The following FLVCR1 variants were observed in gnomAD, a reference collection of about 807,000 sequenced individuals.
FLVCR1 encodes the protein choline/ethanolamine transporter FLVCR1.
Under a neutral mutation model 53.6 loss-of-function variants are expected in FLVCR1, and 34 were observed. The ratio of observed to expected loss-of-function variants is 0.63; its 90% confidence interval spans 0.48 to 0.84. The LOEUF (loss-of-function observed/expected upper bound fraction) is 0.84, where lower values mean the gene tolerates loss of function less well. Among genes scored for constraint, FLVCR1 ranks in the 40% least tolerant of loss-of-function variants. FLVCR1 has a pLI of 0.00. For missense variants in FLVCR1, 677 were observed against 696.7 expected (o/e 0.97, Z 0.32); for synonymous variants, 300 against 286.3 (o/e 1.05, Z -0.48).
chr1:212,867,952 C>T (rs556156786), intron 2 of FLVCR1, among the ~76,000 whole-genome samples: 10 of 151,578 alleles, frequency 6.6e-5, no homozygotes, highest in South Asian at 2.1e-4. Context: ...TACAGGCACC[C>T]ACCACCGCGC....
chr1:212,858,369 C>A lies in FLVCR1; in HGVS notation c.-84C>A. Reference sequence around the variant, plus strand: ...GGGCCGAGGGGTTGGAGGTGGGGCCCCAGGAGGACCTCGGGCTGTGGGCCG... The same window carrying A: ...GGGCCGAGGGGTTGGAGGTGGGGCCACAGGAGGACCTCGGGCTGTGGGCCG... On this transcript the variant is annotated 5_prime_UTR_variant, in exon 1 of 10. Transcript: ENST00000366971. 7.6e-7 allele frequency: 1 copy of A among 1,321,536 alleles called. No individual in the cohort carries two copies. Among genetic ancestry groups the A allele is most frequent in the Non-Finnish European group, 1.0e-6 (1 of 1,003,044 alleles). 81.9% of individuals were successfully genotyped at this position (1,321,536 alleles called of 1,614,324 possible). A position where few individuals can be genotyped will look rare whatever the true frequency, so the allele number is the denominator to read the frequency against.
intron 4 of FLVCR1, among the ~76,000 whole-genome samples, 164 bp from the exon 5 acceptor site, chr1:212,885,129 T>C (rs1251618806): frequency 6.6e-6 from 1 of 152,230 alleles, no homozygotes; most frequent in Non-Finnish European, 1.5e-5. Flanking sequence ...TATATATTCT[T>C]TACCTGCCCT....
rs1572031852 is a variant in FLVCR1 at position 212,895,528 on chromosome 1, A to T, written c.*238A>T. On this transcript the variant is annotated 3_prime_UTR_variant, in exon 10 of 10. Coordinates refer to ENST00000366971, the MANE Select transcript of FLVCR1 (RefSeq NM_014053.4). ...TAACACTACTGTTTATCTAATTAGT[A>T]TCCGGTTTTTAGTCTCATATTGTAT... is the stretch of plus-strand genomic sequence containing the variant. The T allele has an allele frequency of 1.9e-6, 1 of 519,806 alleles. No homozygotes were observed. The highest frequency in any genetic ancestry group is 3.5e-5 in the East Asian group (1 of 28,934). 32.2% of individuals were successfully genotyped at this position (519,806 alleles called of 1,614,324 possible).
chr1:212,895,723 A>T lies in FLVCR1; in HGVS notation c.*433A>T, dbSNP rs565590630. The T allele has an allele frequency of 4.3e-6, 1 of 233,716 alleles. No individual in the cohort carries two copies. Among genetic ancestry groups the T allele is most frequent in the East Asian group, 1.2e-4 (1 of 8,608 alleles). 14.5% of individuals were successfully genotyped at this position (233,716 alleles called of 1,614,324 possible). ...TAAAGTATCCAGTGGAACTAAATGT[A>T]CAATATATTCCTAATTGGCTGCCTT... is the stretch of plus-strand genomic sequence containing the variant. On this transcript the variant is annotated 3_prime_UTR_variant, in exon 10 of 10. Transcript: ENST00000366971.
intron 2 of FLVCR1, among the ~76,000 whole-genome samples, chr1:212,869,472 C>A (rs1277126968): frequency 2.0e-5 from 3 of 152,098 alleles, no homozygotes; most frequent in African/African-American, 7.2e-5. Flanking sequence ...AGTTTGACTT[C>A]CTGAAACTAA....
At chr1:212,877,217 G>A (rs1453492794) in intron 3 of FLVCR1, among the ~76,000 whole-genome samples, 1 of 146,688 alleles carries the variant, frequency 6.8e-6, no homozygotes, top group African/African-American at 2.5e-5. Context: ...CTCACTGCAA[G>A]CTCTGCCTCC....
At chr1:212,893,067 G>GT (rs201181910) in intron 8 of FLVCR1, among the ~76,000 whole-genome samples, 10 of 61,356 alleles carry the variant, frequency 1.6e-4, no homozygotes, top group South Asian at 7.5e-4. Flanking sequence ...TTTTTTTTTG[G>GT]GGGGGGGTGC....
intron 3 of FLVCR1, among the ~76,000 whole-genome samples, chr1:212,873,859 CT>C (rs951914071): frequency 1.6e-4 from 24 of 151,106 alleles, no homozygotes; most frequent in African/African-American, 5.3e-4. Flanking sequence ...GGATTAGTTC[CT>C]TTTTTTTTCA....
chr1:212,891,831 A>G (rs568763277), intron 8 of FLVCR1, among the ~76,000 whole-genome samples: 3 of 152,270 alleles, frequency 2.0e-5, no homozygotes, highest in African/African-American at 4.8e-5. Context: ...GCACCAAACA[A>G]TTAGCCAAGT....
rs1664082751 is a variant in FLVCR1, at chr1:212,858,314, C to G, written c.-139C>G. 5 of 875,854 alleles carry G rather than the reference C, an allele frequency of 5.7e-6. No homozygotes were observed. The highest frequency in any genetic ancestry group is 8.3e-6 in the Non-Finnish European group (5 of 605,256). 54.3% of individuals were successfully genotyped at this position (875,854 alleles called of 1,614,324 possible). On this transcript the variant is annotated 5_prime_UTR_variant, in exon 1 of 10. Transcript: ENST00000366971. ...TCACGCGGTAGCGCGGATTGCGGTT[C>G]GCGGCGCGCGCCACCGGGGAAGGAG...
chr1:212,895,645 A>C lies in FLVCR1; in HGVS notation c.*355A>C, dbSNP rs1665315353. The C allele has an allele frequency of 6.1e-6, 2 of 329,892 alleles. No homozygotes were observed. The highest frequency in any genetic ancestry group is 1.2e-5 in the Non-Finnish European group (2 of 172,662). 20.4% of individuals were successfully genotyped at this position (329,892 alleles called of 1,614,324 possible). A position where few individuals can be genotyped will look rare whatever the true frequency, so the allele number is the denominator to read the frequency against. On this transcript the variant is annotated 3_prime_UTR_variant, in exon 10 of 10. Transcript: ENST00000366971. ...AGCTTAGAATACTTTTTAAAGTGAT[A>C]ATATGGGGTGTTCAGTCCCCATAAG...
rs1227298177 is a variant in FLVCR1, at chr1:212,859,171, C to G, written c.719C>G (p.Thr240Ser). The change falls in exon 1 of 10, where the codon ACC (threonine) becomes AGC (serine). Residue 240 changes from threonine (T) to serine (S), a missense_variant. Transcript: ENST00000366971. ...GPKEVSTACATAVLGNQLGTA... is the reference protein window; with the variant it reads ...GPKEVSTACASAVLGNQLGTA... ...AAAGAGGTGTCCACAGCTTGTGCCA[C>G]CGCCGTGCTGGGCAATCAGGTAAGT... 6.2e-7 allele frequency: 1 copy of G among 1,613,912 alleles called. No homozygotes were observed. Among genetic ancestry groups the G allele is most frequent in the East Asian group, 2.2e-5 (1 of 44,900 alleles).
chr1:212,866,464 T>G (rs1664434556), intron 2 of FLVCR1, among the ~76,000 whole-genome samples: 1 of 130,888 alleles, frequency 7.6e-6, no homozygotes, highest in Admixed American at 9.1e-5. Flanking sequence ...TCACATAAAT[T>G]CTGATTTTCC....
chr1:212,885,424 G>A (rs1419608210), intron 5 of FLVCR1, 28 bp downstream of exon 5: 10 of 1,485,874 alleles, frequency 6.7e-6, no homozygotes, highest in African/African-American at 1.4e-5. Context: ...CATGTATGGT[G>A]TATAACCAAA....
At chr1:212,888,725 T>C (rs10864022) in intron 7 of FLVCR1, 131 bp downstream of exon 7, 372,621 of 734,630 alleles carry the variant, frequency 0.51, 98,552 homozygotes, top group East Asian at 0.55. Context: ...TGCTCAGCCA[T>C]CCAAGCTGGA....
intron 3 of FLVCR1, among the ~76,000 whole-genome samples, chr1:212,875,701 A>C (rs558785336): frequency 3.5e-4 from 53 of 151,768 alleles, no homozygotes; most frequent in Non-Finnish European, 6.8e-4. Flanking sequence ...TTAGCTGGGC[A>C]TGGTGGGTGC....
rs1665392281 is a variant in FLVCR1, at chr1:212,898,303, A to G, written c.*3013A>G. The G allele has an allele frequency of 6.6e-6, 1 of 152,210 alleles. No individual in the cohort carries two copies. The highest frequency in any genetic ancestry group is 6.5e-5 in the Admixed American group (1 of 15,278). 9.4% of individuals were successfully genotyped at this position (152,210 alleles called of 1,614,324 possible). A position where few individuals can be genotyped will look rare whatever the true frequency, so the allele number is the denominator to read the frequency against. ...ACAACGGACTTTTACATTTCTTTTT[A>G]GCCTTTTTAGTCAGTTGAGGGTAAC... On this transcript the variant is annotated 3_prime_UTR_variant, in exon 10 of 10. Coordinates refer to ENST00000366971, the MANE Select transcript of FLVCR1 (RefSeq NM_014053.4).
At chr1:212,865,151 A>G (rs141371044) in intron 2 of FLVCR1, among the ~76,000 whole-genome samples, 1,718 of 149,114 alleles carry the variant, frequency 0.012, 18 homozygotes, top group Non-Finnish European at 0.019. Context: ...TTTTTTTATT[A>G]TAAGTTTTAG....
At chr1:212,891,662 T>C (rs1665196713) in intron 8 of FLVCR1, among the ~76,000 whole-genome samples, 1 of 152,146 alleles carries the variant, frequency 6.6e-6, no homozygotes, top group African/African-American at 2.4e-5. Flanking sequence ...ATCAGGGCCC[T>C]GATTAATACC....
Sources: gnomAD v4.1 joint callset for allele counts (sites outside exome capture counted in the v4.1 genomes callset) on GRCh38, gnomAD v4.1.1 for gene constraint, MANE v1.5 for transcripts, NCBI Gene and HGNC (gene_info 2026-07-23, HGNC 2026-07-21) for gene names.